The following NUP214 variants were observed in gnomAD, a reference collection of about 807,000 sequenced individuals.
NUP214 encodes nucleoporin 214, also known as nuclear pore complex protein Nup214.
NUP214 carries 79 observed loss-of-function variants against 196.2 expected under a neutral mutation model. The ratio of observed to expected loss-of-function variants is 0.40; its 90% CI spans 0.34 to 0.49. The LOEUF is 0.49. Ranked by LOEUF, NUP214 falls within the 20% of genes least tolerant of loss-of-function variation. The pLI is 0.58. For missense variants in NUP214, 2,468 were observed against 2,539.0 expected (o/e 0.97, Z 0.60); for synonymous variants, 1,020 against 990.5 (o/e 1.03, Z -0.56).
In NUP214 at chr9:131,232,916, G is replaced by A. The variant is rs1227238850; in HGVS notation, c.6240-538G>A. The A allele has an allele frequency of 3.2e-5, 5 of 156,304 alleles. No individual in the cohort carries two copies. The highest frequency in any genetic ancestry group is 1.9e-4 in the East Asian group (1 of 5,218). 9.7% of individuals were successfully genotyped at this position (156,304 alleles called of 1,614,324 possible). A position where few individuals can be genotyped will look rare whatever the true frequency, so the allele number is the denominator to read the frequency against. On this transcript the variant is annotated intron_variant, in intron 35 of 35. Transcript: ENST00000359428. This position sits in a 1 kb window ranked among gnomAD's most constrained non-coding sequence, Gnocchi z 5.1. Reference sequence around the variant, plus strand: ...TCCCAGCTACTCCAGAAGCTGAGGCGGGAGGATCACTTGAGCCTGGGAGGT... The same window carrying A: ...TCCCAGCTACTCCAGAAGCTGAGGCAGGAGGATCACTTGAGCCTGGGAGGT...
At chr9:131,227,985 C>CGGGG (rs369758441) in intron 32 of NUP214, among the ~76,000 whole-genome samples, 175 bp from the exon 33 acceptor site, 50 of 13,326 alleles carry the variant, frequency 3.8e-3, no homozygotes, top group African/African-American at 6.8e-3. Context: ...GATAGAAGGG[C>CGGGG]GGGGGGGAGG....
intron 27 of NUP214, among the ~76,000 whole-genome samples, chr9:131,193,090 A>G (rs574738480): frequency 1.3e-4 from 19 of 151,436 alleles, no homozygotes; most frequent in African/African-American, 4.4e-4. Flanking sequence ...TTTAAAAAAT[A>G]ATAATAATAA....
rs1834961926 is a variant in NUP214 at position 131,234,581 on chromosome 9, G to A, written c.*1094G>A. 4.3e-6 allele frequency: 1 copy of A among 230,876 alleles called. No individual in the cohort carries two copies. Among genetic ancestry groups the A allele is most frequent in the East Asian group, 6.1e-5 (1 of 16,392 alleles). The allele number at this position is 230,876 out of a possible 1,614,324, so 14.3% of individuals were successfully genotyped here. Reference sequence around the variant, plus strand: ...TGGGTCATGAGCAGCGGGGAGTTGGGAAGAGATTTTTTTTTTTAGAGTTTT... The same window carrying A: ...TGGGTCATGAGCAGCGGGGAGTTGGAAAGAGATTTTTTTTTTTAGAGTTTT... On this transcript the variant is annotated 3_prime_UTR_variant, in exon 36 of 36. Coordinates refer to ENST00000359428, the MANE Select transcript of NUP214 (RefSeq NM_005085.4).
At chr9:131,182,160 T>C (rs922942823) in intron 24 of NUP214, among the ~76,000 whole-genome samples, 1 of 152,264 alleles carries the variant, frequency 6.6e-6, no homozygotes, top group South Asian at 2.1e-4. Context: ...GAACTACATG[T>C]GCACTTAAAA....
chr9:131,204,548 T>C (rs137873659), intron 30 of NUP214, among the ~76,000 whole-genome samples: 175 of 152,312 alleles, frequency 1.1e-3, no homozygotes, highest in Non-Finnish European at 1.9e-3. Flanking sequence ...AGTAAAGCTT[T>C]GTTTACAAAA....
chr9:131,166,861 C>T (rs1832799667), intron 21 of NUP214, among the ~76,000 whole-genome samples: 1 of 152,014 alleles, frequency 6.6e-6, no homozygotes, highest in Admixed American at 6.6e-5. Context: ...TACCCCTCAC[C>T]CATATGTTTA....
chr9:131,171,547 CTTTTT>C (rs11334591), intron 21 of NUP214, among the ~76,000 whole-genome samples: 2 of 127,348 alleles, frequency 1.6e-5, no homozygotes, highest in Non-Finnish European at 1.7e-5. Context: ...GGAAGATTTT[CTTTTT>C]TTTTTTTTTT....
At chr9:131,214,332 T>C (rs1175319884) in intron 30 of NUP214, among the ~76,000 whole-genome samples, 1 of 152,226 alleles carries the variant, frequency 6.6e-6, no homozygotes, top group Admixed American at 6.5e-5. Flanking sequence ...TGTTCTAAAG[T>C]GTGTTACATT....
intron 30 of NUP214, among the ~76,000 whole-genome samples, chr9:131,213,805 GAA>G (rs34775627): frequency 6.6e-6 from 1 of 150,730 alleles, no homozygotes; most frequent in Non-Finnish European, 1.5e-5. Flanking sequence ...TTTAAAGGGG[GAA>G]AAAAAAGAGA....
chr9:131,127,602 C>G lies in NUP214; in HGVS notation c.124C>G (p.Leu42Val). The change falls in exon 2 of 36, where the codon CTT becomes GTT. Residue 42 changes from leucine (L) to valine (V), a missense_variant. Physicochemically the swap from Leu to Val is conservative, Grantham distance 32 (BLOSUM62 1). Coordinates refer to ENST00000359428, the MANE Select transcript of NUP214 (RefSeq NM_005085.4). ...EELPKERSSL[L>V]AVSNKYGLVF... ...ATTGCCCAAGGAACGCTCGAGTCTG[C>G]TTGCTGTGTCCAACAAATATGGTCT... 1 of 1,614,104 alleles carries G rather than the reference C, an allele frequency of 6.2e-7. No homozygotes were observed. The highest frequency in any genetic ancestry group is 8.5e-7 in the Non-Finnish European group (1 of 1,179,964).
Position 131,156,603 on chromosome 9 carries a change from G to A in NUP214, c.2437-2780G>A, listed in dbSNP as rs1190329166. On this transcript the variant is annotated intron_variant, in intron 17 of 35. Coordinates refer to ENST00000359428, the MANE Select transcript of NUP214 (RefSeq NM_005085.4). The stretch of plus-strand genomic sequence containing the variant: ...TTTTTTTTGCAGCTATTATAAAAGG[G>A]GTTGTTGTTTATTTGATTCTCAGCT... Among the ~76,000 whole-genome samples, 3 of 151,196 alleles carry A rather than the reference G, an allele frequency of 2.0e-5. No homozygotes were observed. In the East Asian group the frequency reaches 5.8e-4, roughly 29 times the overall value.
chr9:131,226,670 T>C (rs1340635200), intron 32 of NUP214, among the ~76,000 whole-genome samples: 1 of 152,214 alleles, frequency 6.6e-6, no homozygotes, highest in Non-Finnish European at 1.5e-5. Flanking sequence ...CAGTCTCCAT[T>C]ATCATGGCTT....
chr9:131,161,963 A>G (rs1420333921), intron 18 of NUP214, among the ~76,000 whole-genome samples: 1 of 152,206 alleles, frequency 6.6e-6, no homozygotes, highest in Admixed American at 6.5e-5. Context: ...CTTTGAATGC[A>G]ATCCAACACA....
In NUP214 at chr9:131,143,812, G is replaced by GT. The variant is rs551952421; in HGVS notation, c.1295-458dup. Reference sequence around the variant, plus strand: ...ATCTTAACCTTCTCCCTTTGCGATTGTTTTTTTTTTGGTCACTTCTAAATT... The same window carrying GT: ...ATCTTAACCTTCTCCCTTTGCGATTGTTTTTTTTTTTGGTCACTTCTAAATT... On this transcript the variant is annotated intron_variant, in intron 11 of 35. Transcript: ENST00000359428. Among the ~76,000 whole-genome samples, 570 of 143,928 alleles carry GT rather than the reference G, an allele frequency of 4.0e-3. 4 individuals are homozygous for GT. The highest frequency in any genetic ancestry group is 8.6e-3 in the African/African-American group (338 of 39,320). 94.4% of individuals were successfully genotyped at this position (143,928 alleles called of 152,430 possible).
chr9:131,135,240 C>T, intron 8 of NUP214: 1 of 440,278 alleles, frequency 2.3e-6, no homozygotes, highest in South Asian at 5.8e-5. Flanking sequence ...CACATGCCAC[C>T]ACACCTGGCT....
At chr9:131,143,080 C>G (rs1345900162) in intron 11 of NUP214, among the ~76,000 whole-genome samples, 2 of 152,138 alleles carry the variant, frequency 1.3e-5, no homozygotes, top group African/African-American at 4.8e-5. Flanking sequence ...GATCTTGGCT[C>G]ACTGCAGCCT....
rs920062876 is a variant in NUP214 at position 131,223,172 on chromosome 9, C to CT, written c.5902+253dup. 3.7e-3 allele frequency among the ~76,000 whole-genome samples: 525 copies of CT among 143,210 alleles called. 1 individual carries two copies. The highest frequency in any genetic ancestry group is 9.5e-3 in the African/African-American group (368 of 38,862). The allele number at this position is 143,210 out of a possible 152,430, so 94.0% of individuals were successfully genotyped here. On this transcript the variant is annotated intron_variant, in intron 32 of 35. Coordinates refer to ENST00000359428, the MANE Select transcript of NUP214 (RefSeq NM_005085.4). ...TGCAAGTAATGCAACATTTTTTTTTCTTTTTTTTTTTGTGAGAGGGAGTCT... is the reference window on the plus strand; with the variant it reads ...TGCAAGTAATGCAACATTTTTTTTTCTTTTTTTTTTTTGTGAGAGGGAGTCT...
At chr9:131,157,691 G>T (rs1030667481) in intron 17 of NUP214, among the ~76,000 whole-genome samples, 5 of 151,984 alleles carry the variant, frequency 3.3e-5, no homozygotes, top group Non-Finnish European at 7.4e-5. Context: ...TTTCACCCAG[G>T]TTGGAGTGCA....
At chr9:131,171,726 C>T (rs1257283583) in intron 21 of NUP214, among the ~76,000 whole-genome samples, 1 of 152,066 alleles carries the variant, frequency 6.6e-6, no homozygotes, top group Non-Finnish European at 1.5e-5. Context: ...ACAACAGTCC[C>T]CAGAGTGTGA....
Sources: gnomAD v4.1 joint callset for allele counts (sites outside exome capture counted in the v4.1 genomes callset) on GRCh38, gnomAD v4.1.1 for gene constraint, Gnocchi (gnomAD v3.1) non-coding constraint, MANE v1.5 for transcripts, NCBI Gene and HGNC (gene_info 2026-07-23, HGNC 2026-07-21) for gene names.